Variants in SLC9A2 observed in about 807,000 individuals in gnomAD.
The protein encoded by SLC9A2 is sodium/hydrogen exchanger 2.
In SLC9A2, 42 loss-of-function variants were observed where a neutral mutation model predicts 71.7. The observed-to-expected ratio is 0.59, with a 90% CI of 0.46 to 0.76. SLC9A2 has a LOEUF of 0.76. Among genes scored for constraint, SLC9A2 ranks in the 30% least tolerant of loss-of-function variants. The pLI, the probability that SLC9A2 is intolerant of heterozygous loss-of-function variation, is 0.00. For synonymous variants in SLC9A2, 396 were observed against 392.5 expected (o/e 1.01, Z -0.10); for missense variants, 829 against 1,017.4 (o/e 0.81, Z 2.52).
At chr2:102,630,061 C>T (rs6745467) in intron 1 of SLC9A2, among the ~76,000 whole-genome samples, 4,907 of 152,040 alleles carry the variant, frequency 0.032, 264 homozygotes, top group African/African-American at 0.11. Context: ...ATTCTAACTG[C>T]GTGTTTCAGA....
At chr2:102,666,299 C>G (rs1017339099) in intron 3 of SLC9A2, among the ~76,000 whole-genome samples, 9 of 150,346 alleles carry the variant, frequency 6.0e-5, no homozygotes, top group Non-Finnish European at 1.3e-4. Flanking sequence ...GGGTTCACAC[C>G]ATTCTCCTGC....
Position 102,704,616 on chromosome 2 carries a change from C to T in SLC9A2, c.1918C>T (p.Arg640Trp), listed in dbSNP as rs749158416. The change falls in exon 10 of 12, where the codon CGG (arginine) becomes TGG (tryptophan). Residue 640 changes from arginine to tryptophan, a missense_variant. Physicochemically the swap from Arg to Trp is moderately radical, Grantham distance 101. Coordinates refer to ENST00000233969, the MANE Select transcript of SLC9A2 (RefSeq NM_003048.6). Reference sequence around the variant, plus strand: ...ACAAGCCAAGGAGATTCTGATTCGCCGGCGACACAGTTTGCGAGAAAGCAT... The same window carrying T: ...ACAAGCCAAGGAGATTCTGATTCGCTGGCGACACAGTTTGCGAGAAAGCAT... ...ERQAKEILIR[R>W]RHSLRESIRK... 17 of 1,613,452 alleles carry T rather than the reference C, an allele frequency of 1.1e-5. No individual in the cohort carries two copies. The Admixed American group carries it at 1.2e-4, about 11-fold the overall frequency.
chr2:102,692,254 G>A (rs1677678348), intron 5 of SLC9A2, among the ~76,000 whole-genome samples: 1 of 152,186 alleles, frequency 6.6e-6, no homozygotes, highest in Non-Finnish European at 1.5e-5. Context: ...TCACACTTCA[G>A]AAAGTTAAAA....
At chr2:102,680,713 A>T (rs1677436515) in intron 3 of SLC9A2, among the ~76,000 whole-genome samples, 1 of 152,238 alleles carries the variant, frequency 6.6e-6, no homozygotes, top group South Asian at 2.1e-4. Context: ...GAACCTGCTA[A>T]TATGTTACCT....
intron 9 of SLC9A2, 76 bp from the exon 10 acceptor site, chr2:102,704,468 A>C: frequency 6.9e-7 from 1 of 1,439,532 alleles, no homozygotes; most frequent in Non-Finnish European, 9.6e-7. Context: ...AATGTGGTAA[A>C]GTCTTGGAAT....
chr2:102,676,025 G>A (rs1677340196), intron 3 of SLC9A2, among the ~76,000 whole-genome samples: 1 of 152,208 alleles, frequency 6.6e-6, no homozygotes, highest in South Asian at 2.1e-4. Context: ...TTTACACGTG[G>A]TCCACAGACC....
intron 2 of SLC9A2, among the ~76,000 whole-genome samples, chr2:102,663,282 G>A (rs1677079616): frequency 6.6e-6 from 1 of 152,116 alleles, no homozygotes. Flanking sequence ...ATGATCTTGA[G>A]TGTTACACCA....
chr2:102,622,403 C>A (rs1428106672), intron 1 of SLC9A2, among the ~76,000 whole-genome samples: 2 of 152,174 alleles, frequency 1.3e-5, no homozygotes, highest in African/African-American at 2.4e-5. Context: ...TTCTCTGTTG[C>A]CATTTCTATT....
intron 1 of SLC9A2, among the ~76,000 whole-genome samples, chr2:102,644,681 T>C (rs1407090350): frequency 1.3e-5 from 2 of 152,130 alleles, no homozygotes; most frequent in African/African-American, 2.4e-5. Context: ...CCCCTTACAG[T>C]GTTAACTCTG....
At chr2:102,663,795 A>G (rs1347591333) in intron 2 of SLC9A2, among the ~76,000 whole-genome samples, 1 of 152,206 alleles carries the variant, frequency 6.6e-6, no homozygotes, top group African/African-American at 2.4e-5. Context: ...GTGAAAAAAG[A>G]AGCAGTCCAC....
intron 1 of SLC9A2, among the ~76,000 whole-genome samples, chr2:102,631,995 G>GATATATATAT (rs59553931): frequency 2.3e-5 from 1 of 43,254 alleles, no homozygotes; most frequent in African/African-American, 8.0e-5. Context: ...TGAAAGTGGG[G>GATATATATAT]ATATATATAT....
At chr2:102,648,767 C>A (rs1325503311) in intron 1 of SLC9A2, among the ~76,000 whole-genome samples, 1 of 152,130 alleles carries the variant, frequency 6.6e-6, no homozygotes, top group African/African-American at 2.4e-5. Flanking sequence ...TCTAGGAATA[C>A]AACTTACAAA....
chr2:102,704,326 T>C (rs924640190), intron 9 of SLC9A2, among the ~76,000 whole-genome samples: 6 of 151,702 alleles, frequency 4.0e-5, no homozygotes, highest in African/African-American at 1.5e-4. Flanking sequence ...AAAAGAAAAA[T>C]AAAAAAACAC....
chr2:102,641,012 A>G (rs1346658273), intron 1 of SLC9A2, among the ~76,000 whole-genome samples: 8 of 152,210 alleles, frequency 5.3e-5, no homozygotes, highest in Non-Finnish European at 8.8e-5. Context: ...CAAGGGTTTT[A>G]GGGGCTCTGT....
chr2:102,660,217 G>A (rs1393937050), intron 2 of SLC9A2, among the ~76,000 whole-genome samples: 16 of 152,202 alleles, frequency 1.1e-4, no homozygotes, highest in African/African-American at 3.9e-4. Context: ...ACCCAGGGAA[G>A]GCAGGCGGCC....
At chr2:102,643,130 G>C (rs1033743932) in intron 1 of SLC9A2, among the ~76,000 whole-genome samples, 1 of 152,136 alleles carries the variant, frequency 6.6e-6, no homozygotes, top group African/African-American at 2.4e-5. Context: ...TGTCAGTCAG[G>C]GGTCAAAAGT....
rs776062310 is a variant in SLC9A2, at chr2:102,709,006, G to A, written c.*517G>A. The stretch of plus-strand genomic sequence containing the variant: ...CCTGTCCTGACCCGATGGAGCAGCC[G>A]GTAAGTGAAGAGCACAGCTGGAAGC... On this transcript the variant is annotated 3_prime_UTR_variant, in exon 12 of 12. Transcript: ENST00000233969. The A allele has an allele frequency of 2.6e-5, 4 of 154,604 alleles. No individual in the cohort carries two copies. The highest frequency in any genetic ancestry group is 3.4e-3 in the Middle Eastern group (1 of 294). 9.6% of individuals were successfully genotyped at this position (154,604 alleles called of 1,614,324 possible).
chr2:102,706,603 G>A (rs1025128549), intron 11 of SLC9A2, among the ~76,000 whole-genome samples: 1 of 152,172 alleles, frequency 6.6e-6, no homozygotes, highest in Non-Finnish European at 1.5e-5. Flanking sequence ...ATGAGTTCAA[G>A]AGTTTGCAAA....
intron 1 of SLC9A2, among the ~76,000 whole-genome samples, chr2:102,655,246 T>C (rs1573410239): frequency 6.8e-6 from 1 of 146,054 alleles, no homozygotes; most frequent in African/African-American, 2.6e-5. Flanking sequence ...TTCCATCTCC[T>C]GGATTCAAGT....
Sources: gnomAD v4.1 joint callset for allele counts (sites outside exome capture counted in the v4.1 genomes callset) on GRCh38, gnomAD v4.1.1 for gene constraint, MANE v1.5 for transcripts, NCBI Gene and HGNC (gene_info 2026-07-23, HGNC 2026-07-21) for gene names.